The following DOCK2 variants were observed in gnomAD, a reference collection of about 807,000 sequenced individuals.
DOCK2 encodes dedicator of cytokinesis protein 2.
DOCK2 carries 87 observed loss-of-function variants against 248.9 expected under a neutral mutation model. The observed-to-expected ratio is 0.35, with a 90% CI of 0.29 to 0.42. DOCK2 has a LOEUF of 0.42. DOCK2 is among the 10% of genes least tolerant of loss of function. DOCK2 has a pLI of 1.00. For synonymous variants in DOCK2, 805 were observed against 821.6 expected (o/e 0.98, Z 0.35); for missense variants, 1,747 against 2,300.2 (o/e 0.76, Z 4.92).
chr5:169,776,286 C>A (rs1401538798), intron 25 of DOCK2, among the ~76,000 whole-genome samples: 4 of 151,640 alleles, frequency 2.6e-5, no homozygotes, highest in African/African-American at 9.7e-5. Flanking sequence ...CCTCAGCCTC[C>A]TAAGTAGCTA....
At chr5:169,943,118 T>C (rs1581451929) in intron 27 of DOCK2, among the ~76,000 whole-genome samples, 1 of 152,172 alleles carries the variant, frequency 6.6e-6, no homozygotes, top group Non-Finnish European at 1.5e-5. Flanking sequence ...GGAAATATCA[T>C]TGAGTTTTCC....
chr5:169,706,999 C>G (rs975538419), intron 14 of DOCK2, among the ~76,000 whole-genome samples: 1 of 152,238 alleles, frequency 6.6e-6, no homozygotes, highest in African/African-American at 2.4e-5. Flanking sequence ...AGGCATGACT[C>G]GCTCACCATC....
At chr5:169,840,533 C>T (rs1211267797) in intron 26 of DOCK2, among the ~76,000 whole-genome samples, 1 of 151,952 alleles carries the variant, frequency 6.6e-6, no homozygotes, top group African/African-American at 2.4e-5. Flanking sequence ...TTTCAGGTGA[C>T]TAGTGGAATT....
chr5:169,909,766 C>A (rs1439372110), intron 27 of DOCK2, among the ~76,000 whole-genome samples: 2 of 152,126 alleles, frequency 1.3e-5, no homozygotes, highest in Non-Finnish European at 2.9e-5. Context: ...AAAATACAAT[C>A]CAAGATGATC....
At chr5:169,755,290 G>A (rs547772880) in intron 23 of DOCK2, among the ~76,000 whole-genome samples, 3 of 152,042 alleles carry the variant, frequency 2.0e-5, no homozygotes, top group Non-Finnish European at 4.4e-5. Flanking sequence ...TATTATATGA[G>A]TATGTGTGTA....
At position 169,971,188 on chromosome 5, in the gene DOCK2, C is replaced by CAAAAAA. The variant is rs34023676; in HGVS notation, c.2800-11874_2800-11869dup. Among the ~76,000 whole-genome samples, 536 of 143,846 alleles carry CAAAAAA rather than the reference C, an allele frequency of 3.7e-3. 3 individuals carry two copies. Among genetic ancestry groups the CAAAAAA allele is most frequent in the African/African-American group, 0.013 (493 of 39,102 alleles). The allele number at this position is 143,846 out of a possible 152,430, so 94.4% of individuals were successfully genotyped here. ...AGAGGTGAACAGAGGGAAAGAAAGG[C>CAAAAAA]AAAAAAAAAAATGAGTATGACATCA... On this transcript the variant is annotated intron_variant, in intron 27 of 51. Coordinates refer to ENST00000520908, the MANE Select transcript of DOCK2 (RefSeq NM_004946.3).
At chr5:170,011,134 A>G (rs1404674394) in intron 32 of DOCK2, among the ~76,000 whole-genome samples, 1 of 152,216 alleles carries the variant, frequency 6.6e-6, no homozygotes, top group Non-Finnish European at 1.5e-5. Flanking sequence ...AGTAAATTGG[A>G]TGAAAGCAGA....
At chr5:169,677,865 A>G (rs1202219585) in intron 6 of DOCK2, among the ~76,000 whole-genome samples, 2 of 152,318 alleles carry the variant, frequency 1.3e-5, no homozygotes, top group African/African-American at 4.8e-5. Context: ...GGCTGAGGGC[A>G]GGGGTTTCAA....
Position 170,026,476 on chromosome 5 carries a change from G to A in DOCK2, c.3382-1387G>A, listed in dbSNP as rs367848398. On this transcript the variant is annotated intron_variant, in intron 33 of 51. Transcript: ENST00000520908. ...CGGGTGTAAAGAGGTCAAGTTAGAG[G>A]TCAGGACTCCCCAAGTCCTCTTTTG... Among the ~76,000 whole-genome samples the A allele has an allele frequency of 4.1e-4, 62 of 152,270 alleles. No homozygotes were observed. The South Asian group carries it at 8.7e-3, about 21-fold the overall frequency.
At chr5:169,978,392 T>G (rs56333024) in intron 27 of DOCK2, among the ~76,000 whole-genome samples, 2,298 of 22,576 alleles carry the variant, frequency 0.1, 364 homozygotes, top group Non-Finnish European at 0.18. Flanking sequence ...TGTGTGTGTG[T>G]GGGGGGGGGG....
intron 39 of DOCK2, 73 bp downstream of exon 39, chr5:170,045,978 G>T (rs993569506): frequency 4.9e-6 from 7 of 1,432,088 alleles, no homozygotes; most frequent in Non-Finnish European, 5.9e-6. Flanking sequence ...CCCAGATCCT[G>T]GGGAGATGGG....
chr5:169,637,474 T>A, intron 1 of DOCK2, 105 bp downstream of exon 1: 4 of 1,222,002 alleles, frequency 3.3e-6, no homozygotes, highest in African/African-American at 1.6e-5. Context: ...CAGGGCGCGC[T>A]GCCTGCAGGT....
At chr5:169,716,566 A>T (rs1163573713) in intron 20 of DOCK2, among the ~76,000 whole-genome samples, 1 of 152,246 alleles carries the variant, frequency 6.6e-6, no homozygotes, top group African/African-American at 2.4e-5. Flanking sequence ...AAGGTACATG[A>T]GGCTGGATAT....
chr5:169,915,109 A>C (rs1206914659), intron 27 of DOCK2, among the ~76,000 whole-genome samples: 1 of 152,164 alleles, frequency 6.6e-6, no homozygotes, highest in African/African-American at 2.4e-5. Flanking sequence ...AGGCCCCACT[A>C]CTTGAAAATT....
At chr5:170,075,736 G>T (rs561140577) in intron 46 of DOCK2, 4 of 590,560 alleles carry the variant, frequency 6.8e-6, no homozygotes, top group East Asian at 6.1e-5. Flanking sequence ...GGGAAGCTGG[G>T]GGTCTTTCTC....
At position 169,743,931 on chromosome 5, in the gene DOCK2, T is replaced by TTA. The variant is rs995676509; in HGVS notation, c.2268-3453_2268-3452dup. On this transcript the variant is annotated intron_variant, in intron 22 of 51. Coordinates refer to ENST00000520908, the MANE Select transcript of DOCK2 (RefSeq NM_004946.3). ...AATTATAAATTTAAGATTTATATTA[T>TTA]TATATATATATATGTACTTTTCCCC... Among the ~76,000 whole-genome samples the TTA allele has an allele frequency of 1.9e-3, 284 of 148,864 alleles. 1 individual carries two copies. The highest frequency in any genetic ancestry group is 6.1e-3 in the African/African-American group (249 of 41,012).
chr5:170,017,069 A>T (rs1755562208), intron 32 of DOCK2, among the ~76,000 whole-genome samples: 1 of 152,106 alleles, frequency 6.6e-6, no homozygotes, highest in South Asian at 2.1e-4. Flanking sequence ...TATTCCTAGG[A>T]TGATGCCTTT....
chr5:169,985,391 G>A (rs867688542), intron 28 of DOCK2, among the ~76,000 whole-genome samples: 1 of 131,834 alleles, frequency 7.6e-6, no homozygotes, highest in Non-Finnish European at 1.6e-5. Flanking sequence ...GTGTGTGTGT[G>A]TGTATGTGTG....
At chr5:169,745,319 C>T (rs972566633) in intron 22 of DOCK2, among the ~76,000 whole-genome samples, 1 of 152,154 alleles carries the variant, frequency 6.6e-6, no homozygotes, top group Admixed American at 6.5e-5. Context: ...TTTTCTGTTT[C>T]CTTATCTGTG....
Sources: allele counts gnomAD v4.1 joint callset (sites outside exome capture counted in the v4.1 genomes callset), GRCh38; gene constraint gnomAD v4.1.1; transcripts MANE v1.5; gene names NCBI Gene and HGNC (gene_info 2026-07-23, HGNC 2026-07-21).